TRAPPC9: variants seen among roughly 807,000 people sequenced by gnomAD.
The protein encoded by TRAPPC9 is trafficking protein particle complex subunit 9, also known as IKK2 binding protein.
Under a neutral mutation model 124.0 loss-of-function variants are expected in TRAPPC9, and 83 were observed. That is an observed-to-expected ratio of 0.67 (90% CI 0.56 to 0.80). TRAPPC9 has a LOEUF of 0.80. Ranked by LOEUF, TRAPPC9 falls within the 30% of genes least tolerant of loss-of-function variation. The pLI is 0.00. For missense variants in TRAPPC9, 1,302 were observed against 1,508.3 expected (o/e 0.86, Z 2.27); for synonymous variants, 638 against 617.5 (o/e 1.03, Z -0.49).
intron 8 of TRAPPC9, among the ~76,000 whole-genome samples, chr8:140,365,342 C>T (rs1367014310): frequency 6.6e-6 from 1 of 152,154 alleles, no homozygotes; most frequent in African/African-American, 2.4e-5. Context: ...TCAGGAGTAA[C>T]ACTGTGCCCT....
At chr8:139,934,153 G>A (rs940821421) in intron 19 of TRAPPC9, among the ~76,000 whole-genome samples, 1 of 152,102 alleles carries the variant, frequency 6.6e-6, no homozygotes, top group East Asian at 1.9e-4. Context: ...TCAACAAAAT[G>A]CTTTGTGTGC....
chr8:140,270,884 AGGGCCGC>A (rs1218727456), intron 15 of TRAPPC9, among the ~76,000 whole-genome samples: 1 of 152,258 alleles, frequency 6.6e-6, no homozygotes, highest in Non-Finnish European at 1.5e-5. Flanking sequence ...TGGGCCACAC[AGGGCCGC>A]GGGGGCCAGG....
At chr8:140,441,644 C>A (rs2071019933) in intron 2 of TRAPPC9, among the ~76,000 whole-genome samples, 1 of 151,678 alleles carries the variant, frequency 6.6e-6, no homozygotes, top group Non-Finnish European at 1.5e-5. Context: ...CAGAGCAAGA[C>A]CATGTCTCTA....
chr8:140,037,627 TAC>T (rs869201192), intron 17 of TRAPPC9, among the ~76,000 whole-genome samples: 3 of 140,128 alleles, frequency 2.1e-5, no homozygotes, highest in Non-Finnish European at 4.7e-5. Context: ...TACAGACACA[TAC>T]ACACACACAA....
At chr8:140,150,705 C>A (rs1418650432) in intron 17 of TRAPPC9, among the ~76,000 whole-genome samples, 1 of 152,134 alleles carries the variant, frequency 6.6e-6, no homozygotes, top group African/African-American at 2.4e-5. Flanking sequence ...ACCCACATCC[C>A]AGGGGCCTGG....
intron 16 of TRAPPC9, among the ~76,000 whole-genome samples, chr8:140,222,779 G>A (rs935380534): frequency 6.6e-6 from 1 of 152,210 alleles, no homozygotes; most frequent in Admixed American, 6.5e-5. Context: ...CAGCTGGCAT[G>A]CGGGAGAAGT....
At chr8:139,867,783 A>G (rs1828645418) in intron 21 of TRAPPC9, among the ~76,000 whole-genome samples, 1 of 152,228 alleles carries the variant, frequency 6.6e-6, no homozygotes, top group African/African-American at 2.4e-5. Context: ...ATGGAAGTCA[A>G]AGAAAGATGG....
chr8:140,454,437 G>A (rs1320544679), intron 1 of TRAPPC9, among the ~76,000 whole-genome samples: 1 of 151,986 alleles, frequency 6.6e-6, no homozygotes, highest in Admixed American at 6.6e-5. Flanking sequence ...TCAGGAGTTG[G>A]AGACCAGCCT....
At chr8:139,986,585 C>T (rs1039696480) in intron 19 of TRAPPC9, among the ~76,000 whole-genome samples, 5 of 152,180 alleles carry the variant, frequency 3.3e-5, no homozygotes, top group African/African-American at 7.2e-5. Context: ...TGTTCATCTG[C>T]CCATCTATTA....
At chr8:140,359,288 A>G (rs2067858657) in intron 9 of TRAPPC9, among the ~76,000 whole-genome samples, 1 of 152,170 alleles carries the variant, frequency 6.6e-6, no homozygotes, top group South Asian at 2.1e-4. Context: ...CACTTCCCCA[A>G]GAACCCAGCT....
At chr8:140,413,073 G>A (rs1020814838) in intron 5 of TRAPPC9, among the ~76,000 whole-genome samples, 2 of 152,158 alleles carry the variant, frequency 1.3e-5, no homozygotes, top group Non-Finnish European at 2.9e-5. Context: ...CACTGCCACA[G>A]CAGTGTGTGC....
intron 21 of TRAPPC9, among the ~76,000 whole-genome samples, chr8:139,777,188 A>G (rs1821452285): frequency 6.6e-6 from 1 of 152,236 alleles, no homozygotes; most frequent in African/African-American, 2.4e-5. Flanking sequence ...TTTCCATTTC[A>G]GCATTTAGCA....
At chr8:139,774,465 C>T (rs1363758860) in intron 21 of TRAPPC9, among the ~76,000 whole-genome samples, 1 of 152,160 alleles carries the variant, frequency 6.6e-6, no homozygotes, top group African/African-American at 2.4e-5. Flanking sequence ...TTTATCTCCT[C>T]CCCCAACACA....
chr8:139,803,826 A>G (rs4736005), intron 21 of TRAPPC9, among the ~76,000 whole-genome samples: 11,702 of 152,208 alleles, frequency 0.077, 544 homozygotes, highest in East Asian at 0.14. Flanking sequence ...CACTTCCCCA[A>G]GAGGACCGGG....
intron 11 of TRAPPC9, 74 bp downstream of exon 11, chr8:140,300,395 G>A (rs1383700727): frequency 6.3e-7 from 1 of 1,596,576 alleles, no homozygotes; most frequent in African/African-American, 1.3e-5. Flanking sequence ...TCAAAATGCT[G>A]TTCTAAAAAT....
At chr8:140,302,504 T>C (rs1258274175) in intron 10 of TRAPPC9, among the ~76,000 whole-genome samples, 5 of 152,154 alleles carry the variant, frequency 3.3e-5, no homozygotes, top group Admixed American at 2.6e-4. Flanking sequence ...AGTCCAGGGA[T>C]AAAGTGTCCA....
intron 7 of TRAPPC9, among the ~76,000 whole-genome samples, chr8:140,380,613 C>G (rs1211756516): frequency 7.0e-6 from 1 of 143,578 alleles, no homozygotes; most frequent in Non-Finnish European, 1.5e-5. Flanking sequence ...CAAGATCGTG[C>G]CACTGTACTC....
chr8:139,823,560 G>A (rs960822774), intron 21 of TRAPPC9, among the ~76,000 whole-genome samples: 3 of 152,194 alleles, frequency 2.0e-5, no homozygotes, highest in Non-Finnish European at 4.4e-5. Context: ...ACCAGCAGAT[G>A]CCCCTGTTTA....
chr8:139,772,169 C>T (rs1042144879), intron 21 of TRAPPC9, among the ~76,000 whole-genome samples: 2 of 152,212 alleles, frequency 1.3e-5, no homozygotes, highest in African/African-American at 4.8e-5. Flanking sequence ...AGCCAAACGG[C>T]CCACACGTGT....
Sources: allele counts gnomAD v4.1 joint callset (sites outside exome capture counted in the v4.1 genomes callset), GRCh38; gene constraint gnomAD v4.1.1; transcripts MANE v1.5; gene names NCBI Gene and HGNC (gene_info 2026-07-23, HGNC 2026-07-21).